CCDC102B: variants seen among roughly 807,000 people sequenced by gnomAD.
CCDC102B encodes the protein coiled-coil domain-containing protein 102B.
In CCDC102B, 75 loss-of-function variants were observed where a neutral mutation model predicts 57.4. That is an observed-to-expected ratio of 1.31 (90% CI 1.08 to 1.58). The LOEUF (loss-of-function observed/expected upper bound fraction) is 1.58, where lower values mean the gene tolerates loss of function less well. Ranked by LOEUF, CCDC102B falls within the 40% of genes most tolerant of loss-of-function variation. CCDC102B has a pLI of 0.00. For synonymous variants in CCDC102B, 206 were observed against 201.9 expected, an observed-to-expected ratio of 1.02 and a Z score of -0.17; for missense variants, 636 against 582.6, an observed-to-expected ratio of 1.09 and a Z score of -0.94.
chr18:69,037,227 C>T (rs371470823), intron 7 of CCDC102B, among the ~76,000 whole-genome samples: 2 of 151,970 alleles, frequency 1.3e-5, no homozygotes, highest in African/African-American at 4.8e-5. Flanking sequence ...CTGTGGATGT[C>T]GTGGATGTGT....
Position 68,846,285 on chromosome 18 carries a change from TTTTTC to T in CCDC102B, c.828-23_828-19del, listed in dbSNP as rs774608767. ...AGTATTTTAAAATTGAAGCCGACTT[TTTTTC>T]TTTTAATTCTTAAATTATTTAGAAT... On this transcript the variant is annotated intron_variant, in intron 3 of 7. Transcript: ENST00000360242. 8 of 1,410,988 alleles carry T rather than the reference TTTTTC, an allele frequency of 5.7e-6. No individual in the cohort carries two copies. In the African/African-American group the frequency reaches 1.2e-4, roughly 21 times the overall value. The allele number at this position is 1,410,988 out of a possible 1,614,324, so 87.4% of individuals were successfully genotyped here.
intron 6 of CCDC102B, among the ~76,000 whole-genome samples, chr18:69,008,768 C>T (rs760394280): frequency 6.6e-6 from 1 of 152,202 alleles, no homozygotes; most frequent in Non-Finnish European, 1.5e-5. Context: ...GAGCCTGCGA[C>T]TAATCAATTG....
At chr18:68,930,633 C>A (rs1012509382) in intron 6 of CCDC102B, among the ~76,000 whole-genome samples, 8 of 151,908 alleles carry the variant, frequency 5.3e-5, no homozygotes, top group Non-Finnish European at 2.9e-5. Context: ...AACTACTATA[C>A]TCTTCACAAA....
chr18:68,760,966 A>G (rs1021361271), intron 2 of CCDC102B, among the ~76,000 whole-genome samples: 16 of 152,032 alleles, frequency 1.1e-4, no homozygotes, highest in African/African-American at 3.9e-4. Flanking sequence ...AAAAAAATTC[A>G]GCCTCTTTTG....
intron 1 of CCDC102B, chr18:68,798,447 A>G (rs1391631756): frequency 6.6e-6 from 1 of 152,052 alleles, no homozygotes; most frequent in Non-Finnish European, 1.5e-5. Context: ...ACTAAGCAAA[A>G]CTCAGGTAAG....
intron 6 of CCDC102B, among the ~76,000 whole-genome samples, chr18:68,956,164 A>G (rs1022006562): frequency 4.6e-5 from 7 of 151,060 alleles, no homozygotes; most frequent in Admixed American, 1.3e-4. Context: ...ATGACTGAAT[A>G]GTAGTCCATT....
intron 2 of CCDC102B, among the ~76,000 whole-genome samples, chr18:68,780,915 G>T (rs1423871092): frequency 6.6e-6 from 1 of 152,106 alleles, no homozygotes; most frequent in Non-Finnish European, 1.5e-5. Context: ...AGCCAGAAGT[G>T]AGTAGAACAT....
rs377575731 is a variant in CCDC102B, at chr18:68,946,617, A to G, written c.1263+49189A>G. 2.1e-3 allele frequency among the ~76,000 whole-genome samples: 317 copies of G among 152,176 alleles called. 2 individuals carry two copies. Among genetic ancestry groups the G allele is most frequent in the African/African-American group, 7.4e-3 (306 of 41,566 alleles). Reference sequence around the variant, plus strand: ...TTAGGGCAGTTTTTCAATTTTTCATAAATAATCAAAACCAGATATTACTGG... The same window carrying G: ...TTAGGGCAGTTTTTCAATTTTTCATGAATAATCAAAACCAGATATTACTGG... On this transcript the variant is annotated intron_variant, in intron 6 of 7. Transcript: ENST00000360242.
chr18:69,004,228 T>C (rs1292550138), intron 6 of CCDC102B, among the ~76,000 whole-genome samples: 1 of 152,094 alleles, frequency 6.6e-6, no homozygotes, highest in African/African-American at 2.4e-5. Flanking sequence ...TCTGGAGATA[T>C]CAACATGCAG....
Position 68,844,592 on chromosome 18 carries a change from C to T in CCDC102B, c.828-1721C>T, listed in dbSNP as rs1437755703. ...AAATTCACAGGTCTAAGTCAATACTCAATATCTTTTAAATATTCTATTTTA... is the reference window on the plus strand; with the variant it reads ...AAATTCACAGGTCTAAGTCAATACTTAATATCTTTTAAATATTCTATTTTA... On this transcript the variant is annotated intron_variant, in intron 3 of 7. Transcript: ENST00000360242. Among the ~76,000 whole-genome samples, 5 of 151,878 alleles carry T rather than the reference C, an allele frequency of 3.3e-5. No individual in the cohort carries two copies. The East Asian group carries it at 7.7e-4, about 23-fold the overall frequency.
intron 7 of CCDC102B, among the ~76,000 whole-genome samples, chr18:69,031,152 G>A (rs1455199404): frequency 2.0e-5 from 3 of 152,136 alleles, no homozygotes; most frequent in Admixed American, 6.5e-5. Context: ...TTTAGAAATC[G>A]TAATCTGTCA....
At chr18:68,802,125 G>A (rs1031524307) in intron 1 of CCDC102B, among the ~76,000 whole-genome samples, 1 of 150,734 alleles carries the variant, frequency 6.6e-6, no homozygotes, top group Non-Finnish European at 1.5e-5. Flanking sequence ...AATTCTAGAA[G>A]GTTCTGGTTA....
chr18:68,903,634 G>A (rs1184115630), intron 6 of CCDC102B, among the ~76,000 whole-genome samples: 1 of 152,148 alleles, frequency 6.6e-6, no homozygotes, highest in Non-Finnish European at 1.5e-5. Context: ...AGCAGTCTAT[G>A]TATTCTCTAT....
chr18:68,748,356 T>C (rs2033713068), intron 2 of CCDC102B, among the ~76,000 whole-genome samples: 1 of 151,974 alleles, frequency 6.6e-6, no homozygotes, highest in Admixed American at 6.6e-5. Flanking sequence ...GATTTTCTCA[T>C]TGTATGCATC....
At chr18:68,966,737 A>T (rs2145246102) in intron 6 of CCDC102B, among the ~76,000 whole-genome samples, 1 of 152,248 alleles carries the variant, frequency 6.6e-6, no homozygotes, top group Non-Finnish European at 1.5e-5. Flanking sequence ...TGTTGTAGGC[A>T]GGTTCCATGA....
At chr18:68,757,118 T>C (rs1470798723) in intron 2 of CCDC102B, among the ~76,000 whole-genome samples, 1 of 152,148 alleles carries the variant, frequency 6.6e-6, no homozygotes, top group East Asian at 1.9e-4. Flanking sequence ...AGGCCCTCAA[T>C]TGGAATACAT....
At chr18:68,986,039 G>T (rs1781499349) in intron 6 of CCDC102B, among the ~76,000 whole-genome samples, 1 of 152,128 alleles carries the variant, frequency 6.6e-6, no homozygotes, top group Admixed American at 6.5e-5. Context: ...TGTGTTTCAT[G>T]TTTAAGGTGA....
intron 6 of CCDC102B, among the ~76,000 whole-genome samples, chr18:68,997,212 G>A (rs1470977748): frequency 6.6e-6 from 1 of 152,050 alleles, no homozygotes; most frequent in African/African-American, 2.4e-5. Flanking sequence ...CCAGTCTCAG[G>A]AAGTTCTTTA....
At chr18:68,783,946 T>C (rs963650467) in intron 2 of CCDC102B, among the ~76,000 whole-genome samples, 14 of 152,190 alleles carry the variant, frequency 9.2e-5, no homozygotes, top group Non-Finnish European at 1.6e-4. Context: ...ACTCCATGTT[T>C]TACTCTTTCT....
Sources: allele counts gnomAD v4.1 joint callset (sites outside exome capture counted in the v4.1 genomes callset), GRCh38; gene constraint gnomAD v4.1.1; transcripts MANE v1.5; gene names NCBI Gene and HGNC (gene_info 2026-07-23, HGNC 2026-07-21).